Variants in MYH15 observed in about 807,000 individuals in gnomAD.
The protein encoded by MYH15 is myosin heavy chain 15.
In MYH15, 227 loss-of-function variants were observed where a neutral mutation model predicts 240.5. The observed-to-expected ratio is 0.94, with a 90% confidence interval of 0.85 to 1.05. The LOEUF (loss-of-function observed/expected upper bound fraction) is 1.05. Ranked by LOEUF, MYH15 falls within the 50% of genes least tolerant of loss-of-function variation. MYH15 has a pLI of 0.00. For missense variants in MYH15, 2,217 were observed against 2,247.5 expected (o/e 0.99, Z 0.27); for synonymous variants, 785 against 796.7 (o/e 0.99, Z 0.25).
intron 38 of MYH15, among the ~76,000 whole-genome samples, chr3:108,385,906 C>T (rs536135736): frequency 1.3e-5 from 2 of 152,188 alleles, no homozygotes; most frequent in South Asian, 4.1e-4. Flanking sequence ...GGAATGCTCC[C>T]CCGCCACACA....
chr3:108,392,561 G>A (rs2082429590), intron 36 of MYH15, among the ~76,000 whole-genome samples: 1 of 152,170 alleles, frequency 6.6e-6, no homozygotes, highest in Admixed American at 6.5e-5. Flanking sequence ...GTAAGAACAT[G>A]GCCCTCACAG....
chr3:108,391,826 C>G lies in MYH15; in HGVS notation c.5364G>C (p.Arg1788Ser), dbSNP rs2082424450. 6.2e-7 allele frequency: 1 copy of G among 1,614,050 alleles called. No homozygotes were observed. The highest frequency in any genetic ancestry group is 8.5e-7 in the Non-Finnish European group (1 of 1,179,988). ...GGGCCATCTGTTCAGCTTCAGCCAGCCTTTTCTGTAAGTCTGTAATTGTCT... is the reference window on the plus strand; with the variant it reads ...GGGCCATCTGTTCAGCTTCAGCCAGGCTTTTCTGTAAGTCTGTAATTGTCT... ...MEQTITDLQK[R>S]LAEAEQMALM... The change falls in exon 37 of 41, where the codon AGG (arginine) becomes AGC (serine). Residue 1788 changes from arginine (R) to serine (S), a missense_variant. Arg to Ser is a moderately radical substitution (Grantham distance 110, BLOSUM62 -1). Transcript: ENST00000693548.
intron 30 of MYH15, among the ~76,000 whole-genome samples, chr3:108,411,357 G>A (rs2082591711): frequency 1.3e-5 from 2 of 152,140 alleles, no homozygotes; most frequent in Admixed American, 1.3e-4. Flanking sequence ...TGGCTGTGTT[G>A]CTTCTAAAGA....
At chr3:108,452,661 G>A (rs2082983921) in intron 21 of MYH15, among the ~76,000 whole-genome samples, 1 of 152,018 alleles carries the variant, frequency 6.6e-6, no homozygotes, top group African/African-American at 2.4e-5. Context: ...GTAAGTAAAG[G>A]TATGAAAACA....
intron 24 of MYH15, among the ~76,000 whole-genome samples, chr3:108,438,910 A>G (rs2082862913): frequency 1.3e-5 from 2 of 152,150 alleles, no homozygotes; most frequent in Admixed American, 6.6e-5. Flanking sequence ...TGCATATATA[A>G]GCACACATAT....
intron 12 of MYH15, among the ~76,000 whole-genome samples, chr3:108,473,906 G>A (rs765893711): frequency 9.2e-5 from 14 of 152,140 alleles, no homozygotes; most frequent in African/African-American, 1.4e-4. Context: ...CTGGCATTCA[G>A]TTACCTGGGG....
the MYH15 span, among the ~76,000 whole-genome samples, chr3:108,537,792 A>G: frequency 3.7e-4 from 56 of 152,338 alleles, no homozygotes; most frequent in African/African-American, 1.3e-3. Context: ...GACAGCAGAT[A>G]AATGGGAGAC....
At chr3:108,538,630 A>G in the MYH15 span, among the ~76,000 whole-genome samples, 1 of 152,216 alleles carries the variant, frequency 6.6e-6, no homozygotes, top group African/African-American at 2.4e-5. Flanking sequence ...AATGAAAGTC[A>G]TAGAAATTTG....
chr3:108,493,263 T>C, intron 7 of MYH15, 86 bp from the exon 8 acceptor site: 1 of 909,090 alleles, frequency 1.1e-6, no homozygotes, highest in Non-Finnish European at 1.8e-6. Context: ...TCATTATATG[T>C]AACTCTCAAA....
chr3:108,480,119 A>G (rs982937880), intron 11 of MYH15, among the ~76,000 whole-genome samples: 6 of 152,258 alleles, frequency 3.9e-5, no homozygotes, highest in African/African-American at 1.4e-4. Context: ...AAACAACTGC[A>G]TAAGAGACAC....
At chr3:108,434,699 T>C (rs978767587) in intron 25 of MYH15, among the ~76,000 whole-genome samples, 109 of 152,318 alleles carry the variant, frequency 7.2e-4, no homozygotes, top group African/African-American at 2.4e-3. Context: ...TCCTTAATAT[T>C]TTGCTTTTAC....
chr3:108,462,669 A>C (rs1297296826), intron 16 of MYH15, among the ~76,000 whole-genome samples: 1 of 152,100 alleles, frequency 6.6e-6, no homozygotes, highest in Non-Finnish European at 1.5e-5. Flanking sequence ...TAGAGGCTAC[A>C]GTTGAATAAA....
chr3:108,423,339 A>C (rs1291567787), intron 27 of MYH15, among the ~76,000 whole-genome samples: 1 of 152,204 alleles, frequency 6.6e-6, no homozygotes, highest in Admixed American at 6.5e-5. Flanking sequence ...TCTCCAATGC[A>C]GTGTTATGTA....
At chr3:108,396,592 G>A (rs1183370661) in intron 35 of MYH15, among the ~76,000 whole-genome samples, 4 of 152,078 alleles carry the variant, frequency 2.6e-5, no homozygotes, top group Non-Finnish European at 4.4e-5. Flanking sequence ...CCAGGGATTG[G>A]GAAACCTTGT....
intron 29 of MYH15, among the ~76,000 whole-genome samples, 160 bp from the exon 30 acceptor site, chr3:108,414,588 A>G (rs1275670718): frequency 6.6e-6 from 1 of 152,190 alleles, no homozygotes; most frequent in Non-Finnish European, 1.5e-5. Flanking sequence ...AGAATTTGAG[A>G]CAAGAGAAAG....
chr3:108,497,194 A>G (rs1281559988), intron 6 of MYH15, among the ~76,000 whole-genome samples: 2 of 145,186 alleles, frequency 1.4e-5, no homozygotes, highest in South Asian at 2.2e-4. Context: ...AAAGAGCTCA[A>G]TGATACCCAA....
intron 7 of MYH15, among the ~76,000 whole-genome samples, chr3:108,494,055 C>T (rs926498685): frequency 3.9e-5 from 6 of 152,200 alleles, no homozygotes; most frequent in Non-Finnish European, 8.8e-5. Context: ...CATCTGGTGG[C>T]AGCTAGAGCC....
At chr3:108,456,115 T>C (rs1042208147) in intron 19 of MYH15, among the ~76,000 whole-genome samples, 2 of 151,892 alleles carry the variant, frequency 1.3e-5, no homozygotes, top group Admixed American at 6.6e-5. Flanking sequence ...AGGGGCAGGA[T>C]TGGAAGAGGA....
chr3:108,459,488 A>T (rs1560388998), intron 17 of MYH15, 39 bp from the exon 18 acceptor site: 1 of 1,312,852 alleles, frequency 7.6e-7, no homozygotes, highest in Non-Finnish European at 1.1e-6. Context: ...ATCACTTTGC[A>T]AATCACTAAA....
Sources: gnomAD v4.1 joint callset for allele counts (sites outside exome capture counted in the v4.1 genomes callset) on GRCh38, gnomAD v4.1.1 for gene constraint, MANE v1.5 for transcripts, NCBI Gene and HGNC (gene_info 2026-07-23, HGNC 2026-07-21) for gene names.